The following GREM2 variants were observed in gnomAD, a reference collection of about 807,000 sequenced individuals.
GREM2 encodes the protein gremlin-2.
GREM2 carries 11 observed loss-of-function variants against 14.2 expected under a neutral mutation model. The ratio of observed to expected loss-of-function variants is 0.78; its 90% confidence interval spans 0.49 to 1.28. The LOEUF is 1.28. Ranked by LOEUF, GREM2 falls within the 50% of genes most tolerant of loss-of-function variation. The probability of loss-of-function intolerance (pLI) is 0.00; values close to 1 mark genes in which losing one functional copy is unlikely to be tolerated. For missense variants in GREM2, 210 were observed against 218.5 expected, an observed-to-expected ratio of 0.96 and a Z score of 0.24; for synonymous variants, 98 against 97.6, an observed-to-expected ratio of 1.00 and a Z score of -0.02.
At chr1:240,495,854 T>C (rs182322557) in intron 1 of GREM2, among the ~76,000 whole-genome samples, 65 of 152,342 alleles carry the variant, frequency 4.3e-4, no homozygotes, top group African/African-American at 1.5e-3. Flanking sequence ...CAAGTATCCA[T>C]GGAACGTTTA....
chr1:240,496,888 TGTAGTCCCA>T (rs1480530768), intron 1 of GREM2, among the ~76,000 whole-genome samples: 1 of 152,060 alleles, frequency 6.6e-6, no homozygotes, highest in Non-Finnish European at 1.5e-5. Flanking sequence ...GGCACACACC[TGTAGTCCCA>T]GTAGTCCCAG....
chr1:240,535,447 A>C (rs1394869924), intron 1 of GREM2, among the ~76,000 whole-genome samples: 1 of 152,178 alleles, frequency 6.6e-6, no homozygotes, highest in Non-Finnish European at 1.5e-5. Context: ...TGTGAAAAAA[A>C]ATTTTAAAAA....
chr1:240,493,769 G>A (rs1277150492), intron 1 of GREM2, among the ~76,000 whole-genome samples: 1 of 151,976 alleles, frequency 6.6e-6, no homozygotes, highest in Non-Finnish European at 1.5e-5. Context: ...GGCCTCAAGC[G>A]CTCCTCTGCC....
At chr1:240,573,173 C>T (rs977996279) in intron 1 of GREM2, among the ~76,000 whole-genome samples, 19 of 151,894 alleles carry the variant, frequency 1.3e-4, no homozygotes, top group Non-Finnish European at 1.8e-4. Flanking sequence ...AATAAAACAT[C>T]AAAACTGGGC....
rs141268404 is a variant in GREM2 at position 240,542,322 on chromosome 1, G to A, written c.-1-48846C>T. Among the ~76,000 whole-genome samples the A allele has an allele frequency of 1.3e-3, 192 of 151,946 alleles. 2 individuals carry two copies. In the South Asian group the frequency reaches 0.017, roughly 13 times the overall value. ...ATTTTAATTTCTAAGGAGCTGAGCC[G>A]GGCACGGTGGCTCACGGCTCACGTC... is the stretch of plus-strand genomic sequence containing the variant. On this transcript the variant is annotated intron_variant, in intron 1 of 1. Coordinates refer to ENST00000318160, the MANE Select transcript of GREM2 (RefSeq NM_022469.4). The surrounding 1 kb of genome is among the most constrained non-coding windows in gnomAD (Gnocchi z 4.1).
At chr1:240,591,085 T>G (rs1001179600) in intron 1 of GREM2, among the ~76,000 whole-genome samples, 1 of 152,164 alleles carries the variant, frequency 6.6e-6, no homozygotes, top group Admixed American at 6.5e-5. Context: ...CAGCCAGAAA[T>G]GACTTCTTAA....
intron 1 of GREM2, among the ~76,000 whole-genome samples, chr1:240,587,356 C>T (rs367971091): frequency 2.6e-5 from 4 of 151,548 alleles, no homozygotes; most frequent in Admixed American, 1.3e-4. Context: ...GAGTCTTGCT[C>T]TGTCACCCAG....
intron 1 of GREM2, among the ~76,000 whole-genome samples, chr1:240,588,241 G>C (rs1161936429): frequency 1.3e-5 from 2 of 152,158 alleles, no homozygotes; most frequent in Non-Finnish European, 2.9e-5. Flanking sequence ...GAGATGACTG[G>C]CTTAGAATGC....
intron 1 of GREM2, among the ~76,000 whole-genome samples, chr1:240,607,134 T>C (rs1680042218): frequency 6.6e-6 from 1 of 152,200 alleles, no homozygotes. Context: ...TAATCATTCT[T>C]TAACTAACAA....
chr1:240,499,099 C>T (rs560186385), intron 1 of GREM2, among the ~76,000 whole-genome samples: 48 of 152,340 alleles, frequency 3.2e-4, no homozygotes, highest in African/African-American at 1.2e-3. Flanking sequence ...TTCTATCAGC[C>T]GTTCCTAAAA....
chr1:240,520,921 A>AG (rs1678070231), intron 1 of GREM2, among the ~76,000 whole-genome samples: 1 of 152,000 alleles, frequency 6.6e-6, no homozygotes, highest in Admixed American at 6.6e-5. Flanking sequence ...GCAAAAAAAA[A>AG]AAAAAAAGCA....
intron 1 of GREM2, among the ~76,000 whole-genome samples, chr1:240,580,976 C>G (rs1437320323): frequency 6.6e-6 from 1 of 152,038 alleles, no homozygotes; most frequent in East Asian, 1.9e-4. Context: ...CTCAGCCGCG[C>G]CAGTGGCTCA....
At chr1:240,532,752 A>C (rs1393934249) in intron 1 of GREM2, among the ~76,000 whole-genome samples, 3 of 149,706 alleles carry the variant, frequency 2.0e-5, no homozygotes, top group Admixed American at 1.3e-4. Context: ...CATAGAGAAG[A>C]AATACTTAGA....
At chr1:240,595,562 C>T (rs906955463) in intron 1 of GREM2, among the ~76,000 whole-genome samples, 1 of 151,942 alleles carries the variant, frequency 6.6e-6, no homozygotes, top group East Asian at 1.9e-4. Flanking sequence ...GGTGTTATTC[C>T]CTAATAAGGG....
intron 1 of GREM2, among the ~76,000 whole-genome samples, chr1:240,609,885 A>G (rs752707556): frequency 1.3e-5 from 2 of 152,074 alleles, no homozygotes; most frequent in Non-Finnish European, 2.9e-5. Flanking sequence ...AAACTTTACC[A>G]AACTTATAAC....
chr1:240,549,951 T>C (rs1678811844), intron 1 of GREM2: 1 of 152,252 alleles, frequency 6.6e-6, no homozygotes, highest in Non-Finnish European at 1.5e-5. Context: ...GTAGAAAGGA[T>C]GGAGGAAGAA....
chr1:240,557,577 G>A (rs1280391349), intron 1 of GREM2, among the ~76,000 whole-genome samples: 3 of 152,100 alleles, frequency 2.0e-5, no homozygotes, highest in African/African-American at 7.2e-5. Context: ...TCCAAATAAT[G>A]AATCTATTTT....
At chr1:240,520,927 A>C (rs919876255) in intron 1 of GREM2, among the ~76,000 whole-genome samples, 1 of 151,860 alleles carries the variant, frequency 6.6e-6, no homozygotes, top group African/African-American at 2.4e-5. Context: ...AAAAAAAAAA[A>C]AGCATTTTAG....
intron 1 of GREM2, among the ~76,000 whole-genome samples, chr1:240,536,804 T>C (rs1398974908): frequency 1.3e-5 from 2 of 152,214 alleles, no homozygotes; most frequent in Admixed American, 6.5e-5. Flanking sequence ...CTCTGATGCA[T>C]AATGTGAGAT....
Sources: allele counts gnomAD v4.1 joint callset (sites outside exome capture counted in the v4.1 genomes callset), GRCh38; gene constraint gnomAD v4.1.1; non-coding constraint Gnocchi (gnomAD v3.1); transcripts MANE v1.5; gene names NCBI Gene and HGNC (gene_info 2026-07-23, HGNC 2026-07-21).